SVEP1: variants seen among roughly 807,000 people sequenced by gnomAD.
The protein encoded by SVEP1 is sushi, von Willebrand factor type A, EGF and pentraxin domain containing 1, also known as sushi, von Willebrand factor type A, EGF and pentraxin domain-containing protein 1.
In SVEP1, 164 loss-of-function variants were observed where a neutral mutation model predicts 367.3. The observed-to-expected ratio is 0.45, with a 90% CI of 0.39 to 0.51. SVEP1 has a LOEUF of 0.51. Ranked by LOEUF, SVEP1 falls within the 20% of genes least tolerant of loss-of-function variation. The pLI is 0.00. For missense variants in SVEP1, 4,117 were observed against 4,425.3 expected (o/e 0.93, Z 1.98); for synonymous variants, 1,666 against 1,611.6 (o/e 1.03, Z -0.81).
chr9:110,414,502 C>G (rs1828089214), intron 36 of SVEP1, among the ~76,000 whole-genome samples: 1 of 151,972 alleles, frequency 6.6e-6, no homozygotes, highest in Non-Finnish European at 1.5e-5. Flanking sequence ...GTATGAAGAT[C>G]TGAACTTAGC....
chr9:110,528,176 A>G (rs1447095357), intron 3 of SVEP1, among the ~76,000 whole-genome samples: 12 of 134,908 alleles, frequency 8.9e-5, no homozygotes, highest in Non-Finnish European at 1.7e-4. Flanking sequence ...ATATATATAT[A>G]TATATATATA....
intron 7 of SVEP1, 54 bp downstream of exon 7, chr9:110,498,987 C>A: frequency 6.6e-7 from 1 of 1,508,228 alleles, no homozygotes; most frequent in Non-Finnish European, 9.0e-7. Flanking sequence ...ATACTGCACC[C>A]ATATGGCAAT....
rs761452718 is a variant in SVEP1, at chr9:110,482,427, C to A, written c.2104G>T (p.Val702Leu). ...GAGGGGTCAGTGGCTGTATACTGTA[C>A]TATAGTCTCCCCTTGAGGGAAAAGG... The part of the protein sequence containing the change: ...GDLFPQGETI[V>L]QYTATDPSGN... Residue 702 changes from valine (V) to leucine (L), a missense_variant, in exon 11 of 48, where the codon GTA becomes TTA. Coordinates refer to ENST00000374469, the MANE Select transcript of SVEP1 (RefSeq NM_153366.4). 6.2e-7 allele frequency: 1 copy of A among 1,608,832 alleles called. No individual in the cohort carries two copies. The highest frequency in any genetic ancestry group is 1.1e-5 in the South Asian group (1 of 89,900).
Position 110,471,386 on chromosome 9 carries a change from T to C in SVEP1, c.2976A>G (p.Ser992=), listed in dbSNP as rs1829014905. Residue 992 remains serine (S), a synonymous_variant, in exon 16 of 48, where the codon TCA becomes TCG. Transcript: ENST00000374469. ...TACCACACATACGCCCTCTCAGCAC[T>C]GAGCCTGGTCTGCAGAAGGGGGAAG... ...KKASPFCRPG[S]VLRGRMCVNC... 5 of 1,613,988 alleles carry C rather than the reference T, an allele frequency of 3.1e-6. No homozygotes were observed. The East Asian group carries it at 1.1e-4, about 36-fold the overall frequency.
intron 3 of SVEP1, among the ~76,000 whole-genome samples, chr9:110,518,383 T>C (rs540303626): frequency 1.3e-5 from 2 of 151,594 alleles, no homozygotes; most frequent in East Asian, 1.9e-4. Flanking sequence ...GATAGCGCCA[T>C]TGCACTCCAG....
Position 110,430,494 on chromosome 9 carries a change from C to A in SVEP1, c.5354-44G>T, listed in dbSNP as rs372515447. On this transcript the variant is annotated intron_variant, in intron 32 of 47. Transcript: ENST00000374469. ...GGTGGAATAATAAGTGGCTTTCACA[C>A]AACCATGCAAAGTCTCACAGCAAAA... 19 of 1,547,666 alleles carry A rather than the reference C, an allele frequency of 1.2e-5. No homozygotes were observed. In the African/African-American group the frequency reaches 2.3e-4, roughly 19 times the overall value.
chr9:110,452,221 T>A (rs1428439497), intron 22 of SVEP1, among the ~76,000 whole-genome samples: 1 of 152,226 alleles, frequency 6.6e-6, no homozygotes, highest in Non-Finnish European at 1.5e-5. Flanking sequence ...TTATGAACAC[T>A]TGTTTTTTCA....
rs1829340876 is a variant in SVEP1 at position 110,489,880 on chromosome 9, T to G, written c.1801-101A>C. 3.0e-6 allele frequency: 4 copies of G among 1,352,570 alleles called. No homozygotes were observed. The South Asian group carries it at 7.7e-5, about 26-fold the overall frequency. 83.8% of individuals were successfully genotyped at this position (1,352,570 alleles called of 1,614,324 possible). On this transcript the variant is annotated intron_variant, in intron 8 of 47. Coordinates refer to ENST00000374469, the MANE Select transcript of SVEP1 (RefSeq NM_153366.4). ...GTAATGTTAACAATGATACAATATT[T>G]CACAAAGAGGAAAGGAAAAAGGCAC... is the stretch of plus-strand genomic sequence containing the variant.
chr9:110,429,552 T>C (rs1387838718), intron 34 of SVEP1, among the ~76,000 whole-genome samples: 2 of 152,198 alleles, frequency 1.3e-5, no homozygotes, highest in Non-Finnish European at 2.9e-5. Context: ...GAATTTGGCT[T>C]GCCTTCAGTT....
intron 36 of SVEP1, among the ~76,000 whole-genome samples, chr9:110,417,129 G>A (rs143017023): frequency 7.2e-5 from 11 of 152,010 alleles, no homozygotes; most frequent in African/African-American, 2.4e-4. Flanking sequence ...TGGCCGAATA[G>A]GAACAGCTCC....
intron 39 of SVEP1, 42 bp downstream of exon 39, chr9:110,404,285 T>C (rs1827918507): frequency 6.3e-7 from 1 of 1,577,888 alleles, no homozygotes; most frequent in African/African-American, 1.3e-5. Flanking sequence ...GCAATATATG[T>C]ATATGTAGGC....
chr9:110,523,517 T>C (rs774847748), intron 3 of SVEP1, among the ~76,000 whole-genome samples: 18 of 152,246 alleles, frequency 1.2e-4, no homozygotes, highest in Middle Eastern at 3.4e-3. Flanking sequence ...ATATCAATAA[T>C]TACATCAAAT....
chr9:110,374,044 T>C (rs1827315032), intron 46 of SVEP1, among the ~76,000 whole-genome samples: 1 of 152,196 alleles, frequency 6.6e-6, no homozygotes. Context: ...TGCAGGTTTG[T>C]TATATAGGTA....
chr9:110,366,405 T>C lies in SVEP1; in HGVS notation c.*134A>G. The C allele has an allele frequency of 1.2e-6, 1 of 803,912 alleles. No homozygotes were observed. Among genetic ancestry groups the C allele is most frequent in the Non-Finnish European group, 1.8e-6 (1 of 566,534 alleles). The allele number at this position is 803,912 out of a possible 1,614,324, so 49.8% of individuals were successfully genotyped here. ...AAAATATATCACAAAATAAAAAAAGTAACCCCAAGTAACAAGTTTACTAAA... is the reference window on the plus strand; with the variant it reads ...AAAATATATCACAAAATAAAAAAAGCAACCCCAAGTAACAAGTTTACTAAA... On this transcript the variant is annotated 3_prime_UTR_variant, in exon 48 of 48. Transcript: ENST00000374469.
In SVEP1 at chr9:110,469,033, A is replaced by G; in HGVS notation, c.3067T>C (p.Tyr1023His). The G allele has an allele frequency of 2.5e-6, 4 of 1,613,960 alleles. No homozygotes were observed. Among genetic ancestry groups the G allele is most frequent in the Non-Finnish European group, 3.4e-6 (4 of 1,179,848 alleles). The change falls in exon 17 of 48, where the codon TAT becomes CAT. Residue 1023 changes from tyrosine (Y) to histidine (H), a missense_variant. Tyr to His is a moderately conservative substitution (Grantham distance 83). Coordinates refer to ENST00000374469, the MANE Select transcript of SVEP1 (RefSeq NM_153366.4). ...TCAAGTTGCCCTTCTTCATCTTGAT[A>G]GGATCCGATCCGGCAGCTTTCACAG... The part of the protein sequence containing the change: ...FTCESCRIGS[Y>H]QDEEGQLECK...
chr9:110,443,923 T>C (rs1828552739), intron 26 of SVEP1, among the ~76,000 whole-genome samples: 1 of 152,186 alleles, frequency 6.6e-6, no homozygotes, highest in South Asian at 2.1e-4. Flanking sequence ...TGTAGCTCAC[T>C]GAAAATTGGT....
At chr9:110,386,383 G>T (rs1158913216) in intron 42 of SVEP1, among the ~76,000 whole-genome samples, 2 of 152,168 alleles carry the variant, frequency 1.3e-5, no homozygotes, top group African/African-American at 4.8e-5. Context: ...CTGAGTTTTT[G>T]ATCAGCATTG....
At chr9:110,413,574 G>A (rs1346702545) in intron 36 of SVEP1, among the ~76,000 whole-genome samples, 1 of 151,844 alleles carries the variant, frequency 6.6e-6, no homozygotes, top group Non-Finnish European at 1.5e-5. Flanking sequence ...GGTGTCTTCT[G>A]CATATGGCTC....
At chr9:110,398,223 C>G (rs888161330) in intron 40 of SVEP1, among the ~76,000 whole-genome samples, 33 of 151,930 alleles carry the variant, frequency 2.2e-4, no homozygotes, top group Non-Finnish European at 4.0e-4. Context: ...ACAAACCTGA[C>G]AAAAACAAGA....
Sources: gnomAD v4.1 joint callset for allele counts (sites outside exome capture counted in the v4.1 genomes callset) on GRCh38, gnomAD v4.1.1 for gene constraint, MANE v1.5 for transcripts, NCBI Gene and HGNC (gene_info 2026-07-23, HGNC 2026-07-21) for gene names.